EPHA6: variants seen among roughly 807,000 people sequenced by gnomAD.
EPHA6 encodes the protein EPH receptor A6, also known as ephrin type-A receptor 6.
EPHA6 carries 50 observed loss-of-function variants against 112.0 expected under a neutral mutation model. The ratio of observed to expected loss-of-function variants is 0.45; its 90% CI spans 0.36 to 0.56. The LOEUF is 0.56. Among genes scored for constraint, EPHA6 ranks in the 20% least tolerant of loss-of-function variants. The pLI is 0.00. For missense variants in EPHA6, 1,280 were observed against 1,417.4 expected (o/e 0.90, Z 1.56); for synonymous variants, 529 against 490.7 (o/e 1.08, Z -1.03).
intron 3 of EPHA6, among the ~76,000 whole-genome samples, chr3:97,013,501 A>G (rs1663900195): frequency 6.6e-6 from 1 of 152,278 alleles, no homozygotes; most frequent in Middle Eastern, 3.4e-3. Context: ...TGTACCCACT[A>G]CGTCCTGAAA....
intron 11 of EPHA6, among the ~76,000 whole-genome samples, chr3:97,568,856 T>C (rs1256946979): frequency 6.6e-6 from 1 of 152,092 alleles, no homozygotes; most frequent in Non-Finnish European, 1.5e-5. Flanking sequence ...CAAGGACAAG[T>C]GGGGATGTAT....
intron 5 of EPHA6, among the ~76,000 whole-genome samples, chr3:97,268,832 A>G (rs1407502733): frequency 6.6e-6 from 1 of 152,236 alleles, no homozygotes; most frequent in East Asian, 1.9e-4. Context: ...TAATCATATT[A>G]CTGATAGTTT....
At chr3:97,611,395 TTA>T (rs1290493468) in intron 13 of EPHA6, among the ~76,000 whole-genome samples, 1 of 151,848 alleles carries the variant, frequency 6.6e-6, no homozygotes, top group Non-Finnish European at 1.5e-5. Context: ...TACAAAAACA[TTA>T]TTTTTAAAGT....
At chr3:96,826,887 G>T (rs1166372487) in intron 1 of EPHA6, among the ~76,000 whole-genome samples, 1 of 152,106 alleles carries the variant, frequency 6.6e-6, no homozygotes, top group Non-Finnish European at 1.5e-5. Flanking sequence ...ACCAACAGCT[G>T]AATAAGTACT....
At chr3:97,618,754 A>G (rs2093787544) in intron 13 of EPHA6, among the ~76,000 whole-genome samples, 1 of 152,114 alleles carries the variant, frequency 6.6e-6, no homozygotes, top group Non-Finnish European at 1.5e-5. Context: ...AGGTTCTGAA[A>G]TTGAGGAAAT....
chr3:96,874,988 A>G (rs1321761784), intron 2 of EPHA6, among the ~76,000 whole-genome samples: 2 of 152,104 alleles, frequency 1.3e-5, no homozygotes, highest in African/African-American at 4.8e-5. Context: ...AGGAAAAGCC[A>G]TGAAGAAAGG....
intron 3 of EPHA6, among the ~76,000 whole-genome samples, chr3:97,055,494 T>TA (rs2045823527): frequency 6.6e-6 from 1 of 152,182 alleles, no homozygotes; most frequent in Non-Finnish European, 1.5e-5. Flanking sequence ...GGAAGGCTTA[T>TA]AATCTTTTAG....
intron 3 of EPHA6, among the ~76,000 whole-genome samples, chr3:97,121,204 A>G (rs1171471292): frequency 6.6e-6 from 1 of 152,046 alleles, no homozygotes; most frequent in Admixed American, 6.6e-5. Flanking sequence ...GGAATCCTTT[A>G]GAGAATCTGG....
intron 3 of EPHA6, among the ~76,000 whole-genome samples, chr3:97,036,998 A>T (rs1576367144): frequency 6.6e-6 from 1 of 152,108 alleles, no homozygotes; most frequent in East Asian, 1.9e-4. Flanking sequence ...GAGGTTCAAA[A>T]GGTCAGACCC....
intron 2 of EPHA6, among the ~76,000 whole-genome samples, chr3:96,964,015 T>C (rs560509253): frequency 2.0e-5 from 3 of 152,194 alleles, no homozygotes; most frequent in South Asian, 2.1e-4. Flanking sequence ...TTAAAAATAA[T>C]ATATTTTTAA....
At position 97,756,365 on chromosome 3, in the gene EPHA6, C is replaced by T. The variant is rs191443390; in HGVS notation, c.*7664C>T. Among the ~76,000 whole-genome samples the T allele has an allele frequency of 9.4e-3, 1,425 of 152,012 alleles. 15 individuals carry two copies. The highest frequency in any genetic ancestry group is 0.048 in the Middle Eastern group (14 of 294). On this transcript the variant is annotated 3_prime_UTR_variant, in exon 18 of 18. Transcript: ENST00000389672. ...TTGATATGCTCATTGTTAAATTTAA[C>T]TTGTTTAAATATCCATTGGTATATT... is the stretch of plus-strand genomic sequence containing the variant.
At chr3:96,819,678 CTAATT>C (rs1276795667) in intron 1 of EPHA6, among the ~76,000 whole-genome samples, 1 of 152,078 alleles carries the variant, frequency 6.6e-6, no homozygotes, top group Non-Finnish European at 1.5e-5. Flanking sequence ...TGTAATCAAA[CTAATT>C]TAATACAGGA....
chr3:96,838,013 C>T (rs2034519955), intron 1 of EPHA6, among the ~76,000 whole-genome samples: 1 of 152,020 alleles, frequency 6.6e-6, no homozygotes, highest in Admixed American at 6.6e-5. Flanking sequence ...GCTATTCTTC[C>T]TAGTCCTTTA....
chr3:97,043,504 A>C (rs1311420020), intron 3 of EPHA6, among the ~76,000 whole-genome samples: 1 of 152,196 alleles, frequency 6.6e-6, no homozygotes, highest in South Asian at 2.1e-4. Context: ...GATGCTCTTT[A>C]GGAAATACTA....
chr3:97,595,607 T>G (rs2093581845), intron 12 of EPHA6, among the ~76,000 whole-genome samples: 8 of 151,290 alleles, frequency 5.3e-5, no homozygotes, highest in Admixed American at 5.3e-4. Flanking sequence ...ATGGTGCCAC[T>G]GCACTCCAGC....
rs528695453 is a variant in EPHA6, at chr3:97,586,162, G to C, written c.2387-6450G>C. Among the ~76,000 whole-genome samples, 9 of 152,244 alleles carry C rather than the reference G, an allele frequency of 5.9e-5. No individual in the cohort carries two copies. The South Asian group carries it at 8.3e-4, about 14-fold the overall frequency. On this transcript the variant is annotated intron_variant, in intron 11 of 17. Coordinates refer to ENST00000389672, the MANE Select transcript of EPHA6 (RefSeq NM_001080448.3). ...CTCAACTTGCATTTATTGAAACCCA[G>C]ATCTGTGCATCTTCTGGTCACATTA... is the stretch of plus-strand genomic sequence containing the variant.
intron 3 of EPHA6, among the ~76,000 whole-genome samples, chr3:97,136,628 T>C (rs1010721869): frequency 3.3e-5 from 5 of 151,858 alleles, no homozygotes; most frequent in African/African-American, 7.2e-5. Context: ...ACTCAAGAGG[T>C]TGAGGTGGGA....
intron 6 of EPHA6, among the ~76,000 whole-genome samples, chr3:97,406,306 A>G (rs574067032): frequency 6.6e-6 from 1 of 152,162 alleles, no homozygotes; most frequent in East Asian, 1.9e-4. Context: ...GGAGACGAAG[A>G]AGTCTGAGAT....
At chr3:97,724,479 G>A (rs760630068) in intron 15 of EPHA6, among the ~76,000 whole-genome samples, 1 of 152,146 alleles carries the variant, frequency 6.6e-6, no homozygotes, top group African/African-American at 2.4e-5. Flanking sequence ...AGAAAATCCA[G>A]TTCTCAGTAG....
Sources: gnomAD v4.1 joint callset for allele counts (sites outside exome capture counted in the v4.1 genomes callset) on GRCh38, gnomAD v4.1.1 for gene constraint, MANE v1.5 for transcripts, NCBI Gene and HGNC (gene_info 2026-07-23, HGNC 2026-07-21) for gene names.